Variants in CCDC30 observed in about 807,000 individuals in gnomAD.
CCDC30 encodes coiled-coil domain-containing protein 30.
A neutral mutation model predicts 100.2 loss-of-function variants in CCDC30; 70 were observed. The observed-to-expected ratio is 0.70, with a 90% CI of 0.58 to 0.85. The LOEUF is 0.85. CCDC30 is among the 40% of genes least tolerant of loss of function. The probability of loss-of-function intolerance (pLI) is 0.00; values close to 1 mark genes in which losing one functional copy is unlikely to be tolerated. For synonymous variants in CCDC30, 233 were observed against 269.5 expected (o/e 0.86, Z 1.33); for missense variants, 652 against 771.2 (o/e 0.85, Z 1.83).
upstream of CCDC30, chr1:42,460,388 T>C (rs1275084191): frequency 1.0e-6 from 1 of 986,666 alleles, no homozygotes; most frequent in Non-Finnish European, 1.2e-6. Context: ...ATAAAGTGTG[T>C]GTCCAAAAGC....
chr1:42,554,566 C>T (rs1570038910), intron 6 of CCDC30, among the ~76,000 whole-genome samples: 1 of 113,806 alleles, frequency 8.8e-6, no homozygotes, highest in Non-Finnish European at 2.1e-5. Context: ...CGTGAGCCAC[C>T]ACACCTGACC....
chr1:42,536,530 G>A (rs1253371284), intron 6 of CCDC30: 2 of 767,744 alleles, frequency 2.6e-6, no homozygotes, highest in African/African-American at 1.8e-5. Context: ...GTGGTCAAAA[G>A]AGAGAGAGAG....
chr1:42,500,615 G>C (rs1323669326), intron 6 of CCDC30, among the ~76,000 whole-genome samples: 5 of 151,950 alleles, frequency 3.3e-5, no homozygotes, highest in Admixed American at 3.3e-4. Flanking sequence ...GGGTTTCACC[G>C]TGTTAGCCAG....
intron 10 of CCDC30, among the ~76,000 whole-genome samples, chr1:42,604,970 A>G (rs1646474768): frequency 6.6e-6 from 1 of 152,168 alleles, no homozygotes; most frequent in Non-Finnish European, 1.5e-5. Flanking sequence ...TTGAAAATAC[A>G]TTTCAGGTAA....
At chr1:42,519,568 T>C (rs1448966403) in intron 6 of CCDC30, among the ~76,000 whole-genome samples, 1 of 152,192 alleles carries the variant, frequency 6.6e-6, no homozygotes, top group Non-Finnish European at 1.5e-5. Flanking sequence ...TTTGTTTTAT[T>C]GAGATGGAGT....
intron 1 of CCDC30, among the ~76,000 whole-genome samples, chr1:42,475,794 C>T (rs1643875219): frequency 6.6e-6 from 1 of 152,068 alleles, no homozygotes; most frequent in Non-Finnish European, 1.5e-5. Flanking sequence ...GAGTAGAGAT[C>T]ATGTCCTAGT....
intron 8 of CCDC30, chr1:42,580,887 T>A (rs1156872680): frequency 2.2e-6 from 1 of 456,040 alleles, no homozygotes; most frequent in Admixed American, 2.4e-5. Context: ...CACAATGCTG[T>A]TGGGAGTATA....
At chr1:42,584,197 G>A (rs1479073408) in intron 9 of CCDC30, among the ~76,000 whole-genome samples, 1 of 152,242 alleles carries the variant, frequency 6.6e-6, no homozygotes, top group African/African-American at 2.4e-5. Context: ...ACTATAACCA[G>A]AAACTTACAC....
At chr1:42,493,452 GT>G (rs1644178785) in intron 4 of CCDC30, among the ~76,000 whole-genome samples, 1 of 152,114 alleles carries the variant, frequency 6.6e-6, no homozygotes, top group African/African-American at 2.4e-5. Context: ...GCTGGGTGTG[GT>G]GGCGCATGCC....
chr1:42,520,837 C>T (rs1405732144), intron 6 of CCDC30, among the ~76,000 whole-genome samples: 16 of 150,172 alleles, frequency 1.1e-4, no homozygotes, highest in South Asian at 2.1e-4. Flanking sequence ...TTAGTAGAGA[C>T]GGGGTTTCAC....
At chr1:42,620,195 C>T (rs1032890495) in intron 11 of CCDC30, among the ~76,000 whole-genome samples, 5 of 152,036 alleles carry the variant, frequency 3.3e-5, no homozygotes, top group African/African-American at 1.2e-4. Flanking sequence ...ATGATAAAAA[C>T]CTATGAACAC....
At chr1:42,562,252 A>T (rs964752034) in intron 6 of CCDC30, among the ~76,000 whole-genome samples, 2 of 152,176 alleles carry the variant, frequency 1.3e-5, no homozygotes, top group East Asian at 3.9e-4. Flanking sequence ...TGGTACCAAA[A>T]CAGACATATA....
At chr1:42,641,016 G>C (rs1460690046) in intron 12 of CCDC30, among the ~76,000 whole-genome samples, 1 of 152,076 alleles carries the variant, frequency 6.6e-6, no homozygotes, top group Non-Finnish European at 1.5e-5. Context: ...AGTCCTTTGG[G>C]AGGCTGAAGC....
At position 42,516,483 on chromosome 1, in the gene CCDC30, C is replaced by G. The variant is rs538072347; in HGVS notation, c.456+17567C>G. On this transcript the variant is annotated intron_variant, in intron 6 of 16. Transcript: ENST00000668663. ...TCGGGAGGCTGAGGCAAGAGAATCA[C>G]TTGAACCCAGGAGGTGGAGGTTGCA... 1.6e-4 allele frequency among the ~76,000 whole-genome samples: 24 copies of G among 148,218 alleles called. No homozygotes were observed. The South Asian group carries it at 4.3e-3, about 27-fold the overall frequency.
upstream of CCDC30, chr1:42,460,343 G>T: frequency 1.0e-6 from 1 of 987,058 alleles, no homozygotes; most frequent in Non-Finnish European, 1.2e-6. Flanking sequence ...AACATATCTT[G>T]TTTAGGAAAT....
chr1:42,457,411 T>C, the CCDC30 span: 2 of 1,445,344 alleles, frequency 1.4e-6, no homozygotes, highest in African/African-American at 2.8e-5. Context: ...GTTAATTTCC[T>C]CTTGATCTGG....
At chr1:42,496,917 T>G (rs374607500) in intron 4 of CCDC30, among the ~76,000 whole-genome samples, 181 bp from the exon 5 acceptor site, 3 of 152,330 alleles carry the variant, frequency 2.0e-5, no homozygotes, top group Admixed American at 6.5e-5. Context: ...GGTAGAATAT[T>G]CTAGGACTAG....
chr1:42,620,583 A>C (rs1354503094), intron 11 of CCDC30, among the ~76,000 whole-genome samples: 4 of 98,918 alleles, frequency 4.0e-5, no homozygotes, highest in Non-Finnish European at 4.4e-5. Flanking sequence ...TATGAGGGGC[A>C]AAAAAAAAAA....
chr1:42,544,393 A>C (rs1645079264), intron 6 of CCDC30, among the ~76,000 whole-genome samples: 1 of 152,244 alleles, frequency 6.6e-6, no homozygotes, highest in Non-Finnish European at 1.5e-5. Flanking sequence ...CTACTTACAG[A>C]ATTACATGGG....
Sources: allele counts gnomAD v4.1 joint callset (sites outside exome capture counted in the v4.1 genomes callset), GRCh38; gene constraint gnomAD v4.1.1; transcripts MANE v1.5; gene names NCBI Gene and HGNC (gene_info 2026-07-23, HGNC 2026-07-21).